The following NYX variants were observed in gnomAD, a reference collection of about 807,000 sequenced individuals.
The protein encoded by NYX is leucine-rich repeat protein.
For missense variants in NYX, 481 were observed against 485.4 expected (o/e 0.99, Z 0.09); for synonymous variants, 258 against 245.7 (o/e 1.05, Z -0.47).
At position 41,474,326 on chromosome X, in the gene NYX, C is replaced by T; in HGVS notation, c.858C>T (p.Ala286=). ...TCTACCTGGACCGCAACAGCATCGCCTTCGTGGAGGAGGGCGCCTTCCAGA... is the reference window on the plus strand; with the variant it reads ...TCTACCTGGACCGCAACAGCATCGCTTTCGTGGAGGAGGGCGCCTTCCAGA... ...ELLYLDRNSI[A]FVEEGAFQNL... is the part of the protein sequence containing the mutation. The change falls in exon 3 of 3, where the codon GCC becomes GCT. Residue 286 remains alanine (A), a synonymous_variant. Transcript: ENST00000378220. 1 of 1,208,875 alleles carries T rather than the reference C, an allele frequency of 8.3e-7. No individual in the cohort carries two copies. Among genetic ancestry groups the T allele is most frequent in the South Asian group, 1.8e-5 (1 of 57,065 alleles).
chrX:41,456,715 C>T (rs757899214), intron 2 of NYX, among the ~76,000 whole-genome samples: 2 of 112,003 alleles, frequency 1.8e-5, no homozygotes, highest in Non-Finnish European at 3.8e-5. Flanking sequence ...ATTGACAAAG[C>T]TATGTCACAT....
Position 41,473,934 on chromosome X carries a change from C to A in NYX, c.466C>A (p.Leu156Met). The change falls in exon 3 of 3, where the codon CTG becomes ATG. Residue 156 changes from leucine to methionine, a missense_variant. Coordinates refer to ENST00000378220, the MANE Select transcript of NYX (RefSeq NM_001378477.3). ...PERLLAELPA[L>M]RELAAFDNLF... ...GCGCCTCCTGGCCGAACTGCCGGCC[C>A]TGCGCGAACTCGCCGCCTTCGACAA... 1 of 1,109,022 alleles carries A rather than the reference C, an allele frequency of 9.0e-7. No individual in the cohort carries two copies. The highest frequency in any genetic ancestry group is 3.0e-5 in the Admixed American group (1 of 33,002). The allele number at this position is 1,109,022 out of a possible 1,213,427, so 91.4% of individuals were successfully genotyped here. A position where few individuals can be genotyped will look rare whatever the true frequency, so the allele number is the denominator to read the frequency against.
At chrX:41,458,828 C>T (rs1040210041) in intron 2 of NYX, among the ~76,000 whole-genome samples, 4 of 104,025 alleles carry the variant, frequency 3.8e-5, no homozygotes, top group African/African-American at 1.4e-4. Context: ...GCCTGTAATC[C>T]CAGCACTTTG....
chrX:41,474,183 G>T lies in NYX; in HGVS notation c.715G>T (p.Glu239Ter). ...HLLLNDNLLA[E>*]LPADAFRGLR... ...GCTGCTCAACGACAACCTGCTGGCC[G>T]AGCTCCCGGCCGACGCCTTCCGCGG... Residue 239 changes from glutamate (E) to a stop codon, truncating the protein, a stop_gained, in exon 3 of 3, where the codon GAG becomes TAG. Coordinates refer to ENST00000378220, the MANE Select transcript of NYX (RefSeq NM_001378477.3). LOFTEE classifies it low-confidence loss of function (END_TRUNC). The T allele has an allele frequency of 8.6e-7, 1 of 1,161,344 alleles. No homozygotes were observed. The highest frequency in any genetic ancestry group is 1.1e-6 in the Non-Finnish European group (1 of 875,263).
chrX:41,474,996 T>C lies in NYX; in HGVS notation c.*97T>C. On this transcript the variant is annotated 3_prime_UTR_variant, in exon 3 of 3. Coordinates refer to ENST00000378220, the MANE Select transcript of NYX (RefSeq NM_001378477.3). ...TGGAGGGCAGAGGTGAAAATCCCAG[T>C]GGAGGGTGGAAGGAACCGTTTGCCT... 1.2e-6 allele frequency: 1 copy of C among 826,621 alleles called. No homozygotes were observed. The highest frequency in any genetic ancestry group is 1.8e-6 in the Non-Finnish European group (1 of 569,384). The allele number at this position is 826,621 out of a possible 1,213,427, so 68.1% of individuals were successfully genotyped here. A position where few individuals can be genotyped will look rare whatever the true frequency, so the allele number is the denominator to read the frequency against.
intron 2 of NYX, among the ~76,000 whole-genome samples, chrX:41,454,292 CA>C (rs2064291568): frequency 9.0e-6 from 1 of 110,930 alleles, no homozygotes; most frequent in Non-Finnish European, 1.9e-5. Flanking sequence ...TCTTGCTTTC[CA>C]TTCTAGGGCA....
In NYX at chrX:41,454,365, TGCAGTG is replaced by T. The variant is rs1338235377; in HGVS notation, c.22+6442_22+6447del. On this transcript the variant is annotated intron_variant, in intron 2 of 2. Coordinates refer to ENST00000378220, the MANE Select transcript of NYX (RefSeq NM_001378477.3). ...TCTCACTCTGTCGCTCAGGCTGGAG[TGCAGTG>T]GCGTGATCTCAGCTCACTGCAACCT... 4.5e-5 allele frequency among the ~76,000 whole-genome samples: 5 copies of T among 110,079 alleles called. No homozygotes were observed. The South Asian group carries it at 1.2e-3, about 26-fold the overall frequency.
intron 2 of NYX, chrX:41,472,470 G>T: frequency 1.2e-6 from 1 of 804,757 alleles, no homozygotes; most frequent in Non-Finnish European, 1.9e-6. Context: ...CGATCCCGAA[G>T]GGCGGCTCGG....
intron 2 of NYX, among the ~76,000 whole-genome samples, chrX:41,466,972 G>A (rs1310214806): frequency 9.5e-6 from 1 of 105,007 alleles, no homozygotes; most frequent in Admixed American, 1.0e-4. Flanking sequence ...ATTTTTGTTT[G>A]TTTGTAGTTT....
chrX:41,459,478 G>C (rs994040989), intron 2 of NYX, among the ~76,000 whole-genome samples: 13 of 110,119 alleles, frequency 1.2e-4, no homozygotes, highest in Middle Eastern at 9.2e-3. Flanking sequence ...AATTATCTGG[G>C]TGTGGTGGTG....
chrX:41,475,354 C>T lies in NYX; in HGVS notation c.*455C>T, dbSNP rs978120347. The stretch of plus-strand genomic sequence containing the variant: ...TTTCTACCACAATCCTCCTCCTCCT[C>T]TCCAGGGGCCTGGAAACACTAGGAT... On this transcript the variant is annotated 3_prime_UTR_variant, in exon 3 of 3. Transcript: ENST00000378220. 6.3e-5 allele frequency: 9 copies of T among 142,288 alleles called. No homozygotes were observed. In the Admixed American group the frequency reaches 7.1e-4, roughly 11 times the overall value. The allele number at this position is 142,288 out of a possible 1,213,427, so 11.7% of individuals were successfully genotyped here.
rs192658263 is a variant in NYX at position 41,450,715 on chromosome X, G to A, written c.22+2789G>A. Among the ~76,000 whole-genome samples, 759 of 96,851 alleles carry A rather than the reference G, an allele frequency of 7.8e-3. 5 individuals carry two copies. The highest frequency in any genetic ancestry group is 0.027 in the African/African-American group (705 of 25,983). The allele number at this position is 96,851 out of a possible 115,157, so 84.1% of individuals were successfully genotyped here. A position where few individuals can be genotyped will look rare whatever the true frequency, so the allele number is the denominator to read the frequency against. On this transcript the variant is annotated intron_variant, in intron 2 of 2. Coordinates refer to ENST00000378220, the MANE Select transcript of NYX (RefSeq NM_001378477.3). ...GGCTGAAGTGCAGTGGTACTATCTC[G>A]ACTCACTGCAACCTCTGCCTCCTGG... is the stretch of plus-strand genomic sequence containing the variant.
At chrX:41,453,459 C>CTTTTTTTTTTTTTTTT (rs765178661) in intron 2 of NYX, among the ~76,000 whole-genome samples, 2 of 102,113 alleles carry the variant, frequency 2.0e-5, no homozygotes, top group African/African-American at 7.1e-5. Context: ...TCTTCTTCTT[C>CTTTTTTTTTTTTTTTT]TTTTTTTTTT....
rs918258895 is a variant in NYX at position 41,460,571 on chromosome X, G to A, written c.22+12645G>A. Among the ~76,000 whole-genome samples the A allele has an allele frequency of 5.4e-5, 6 of 111,390 alleles. No individual in the cohort carries two copies. In the Admixed American group the frequency reaches 5.8e-4, roughly 11 times the overall value. ...TGCTGGCAAAGTGAAAGCAATCACCGATTTTTACTTAGTTGTCTTTTCATT... is the reference window on the plus strand; with the variant it reads ...TGCTGGCAAAGTGAAAGCAATCACCAATTTTTACTTAGTTGTCTTTTCATT... On this transcript the variant is annotated intron_variant, in intron 2 of 2. Coordinates refer to ENST00000378220, the MANE Select transcript of NYX (RefSeq NM_001378477.3).
At chrX:41,454,885 G>A (rs913147618) in intron 2 of NYX, among the ~76,000 whole-genome samples, 1 of 111,510 alleles carries the variant, frequency 9.0e-6, no homozygotes, top group African/African-American at 3.3e-5. Flanking sequence ...GGGATCACAG[G>A]CATGAGCCAC....
At position 41,473,588 on chromosome X, in the gene NYX, G is replaced by C. The variant is rs1367991083; in HGVS notation, c.120G>C (p.Ser40=). 1.6e-5 allele frequency: 16 copies of C among 1,012,393 alleles called. No homozygotes were observed. In the Middle Eastern group the frequency reaches 8.6e-4, roughly 54 times the overall value. 83.4% of individuals were successfully genotyped at this position (1,012,393 alleles called of 1,213,427 possible). A position where few individuals can be genotyped will look rare whatever the true frequency, so the allele number is the denominator to read the frequency against. Residue 40 remains serine (S), a synonymous_variant, in exon 3 of 3, where the codon TCG becomes TCC. Transcript: ENST00000378220. ...GCAGCACCGTGGAGCGCGGCTGCTC[G>C]GTGCGCTGCGACCGCGCGGGCCTCC... ...CACSTVERGC[S]VRCDRAGLLR...
chrX:41,472,958 C>T (rs2064367883), intron 2 of NYX, among the ~76,000 whole-genome samples: 1 of 111,210 alleles, frequency 9.0e-6, no homozygotes, highest in South Asian at 3.8e-4. Flanking sequence ...GTCACCACGC[C>T]CGGCTAATTT....
chrX:41,472,284 T>C (rs1256473788), intron 2 of NYX: 3 of 1,121,090 alleles, frequency 2.7e-6, no homozygotes, highest in Non-Finnish European at 3.6e-6. Flanking sequence ...TACGAAATAA[T>C]GTCACTACAT....
intron 2 of NYX, among the ~76,000 whole-genome samples, chrX:41,454,569 C>T (rs1171712406): frequency 1.8e-5 from 2 of 110,361 alleles, no homozygotes; most frequent in Non-Finnish European, 3.8e-5. Context: ...CCTCAGCCTC[C>T]CAAAGTGCTG....
Sources: allele counts gnomAD v4.1 joint callset (sites outside exome capture counted in the v4.1 genomes callset), GRCh38; gene constraint gnomAD v4.1.1; transcripts MANE v1.5; gene names NCBI Gene and HGNC (gene_info 2026-07-23, HGNC 2026-07-21).